The following PLB1 variants were observed in gnomAD, a reference collection of about 807,000 sequenced individuals.
PLB1 encodes the protein phospholipase B1, membrane-associated.
PLB1 carries 242 observed loss-of-function variants against 227.4 expected under a neutral mutation model. The ratio of observed to expected loss-of-function variants is 1.06; its 90% confidence interval spans 0.96 to 1.18. PLB1 has a LOEUF of 1.18. PLB1 is among the 50% of genes most tolerant of loss of function. PLB1 has a pLI of 0.00. For synonymous variants in PLB1, 757 were observed against 682.2 expected (o/e 1.11, Z -1.71); for missense variants, 1,858 against 1,816.3 (o/e 1.02, Z -0.42).
intron 49 of PLB1, among the ~76,000 whole-genome samples, chr2:28,624,792 G>T (rs879459823): frequency 0.02 from 1 of 50 alleles, no homozygotes; most frequent in Non-Finnish European, 0.038. Context: ...GGAAGTATAA[G>T]GGAAAGTCCT....
At chr2:28,515,350 TC>T (rs538527928) in intron 1 of PLB1, among the ~76,000 whole-genome samples, 19 of 152,184 alleles carry the variant, frequency 1.2e-4, no homozygotes, top group African/African-American at 4.1e-4. Context: ...TGCAGCCTCA[TC>T]CCCCCTGCCC....
In PLB1 at chr2:28,532,638, C is replaced by T. The variant is rs144681301; in HGVS notation, c.555+444C>T. 3.1e-3 allele frequency among the ~76,000 whole-genome samples: 470 copies of T among 152,216 alleles called. 5 individuals carry two copies. The highest frequency in any genetic ancestry group is 0.01 in the African/African-American group (428 of 41,518). ...AGATAAGCTGAGTCAACAGTCATTC[C>T]GCAACTGAGAAAATTAGCGTCCTAG... is the stretch of plus-strand genomic sequence containing the variant. On this transcript the variant is annotated intron_variant, in intron 9 of 57. Coordinates refer to ENST00000327757, the MANE Select transcript of PLB1 (RefSeq NM_153021.5).
chr2:28,578,694 A>G (rs1573114740), intron 22 of PLB1, among the ~76,000 whole-genome samples: 1 of 152,196 alleles, frequency 6.6e-6, no homozygotes, highest in Admixed American at 6.5e-5. Context: ...CTCAAATGAA[A>G]GCACGGTCTC....
chr2:28,566,733 T>C (rs1676980968), intron 19 of PLB1, 63 bp from the exon 20 acceptor site: 1 of 1,584,164 alleles, frequency 6.3e-7, no homozygotes. Context: ...GGCTAGTGTC[T>C]GAAGGGTCTC....
At chr2:28,568,693 A>G (rs1420476650) in intron 20 of PLB1, among the ~76,000 whole-genome samples, 4 of 152,210 alleles carry the variant, frequency 2.6e-5, no homozygotes, top group Non-Finnish European at 5.9e-5. Context: ...AGACAGACAC[A>G]TGACTAATAT....
At chr2:28,518,201 A>G (rs910223164) in intron 2 of PLB1, among the ~76,000 whole-genome samples, 1 of 152,054 alleles carries the variant, frequency 6.6e-6, no homozygotes, top group African/African-American at 2.4e-5. Flanking sequence ...GAACTTTCTC[A>G]TTCTTCTTCA....
chr2:28,575,542 CA>C (rs1295375716), intron 21 of PLB1, among the ~76,000 whole-genome samples: 1 of 152,054 alleles, frequency 6.6e-6, no homozygotes, highest in East Asian at 1.9e-4. Flanking sequence ...AAAGAGTATC[CA>C]AAGTAATGGC....
At chr2:28,496,244 T>C in intron 1 of PLB1, 75 bp downstream of exon 1, 2 of 1,395,978 alleles carry the variant, frequency 1.4e-6, no homozygotes, top group Non-Finnish European at 2.0e-6. Flanking sequence ...AGGCAATGGG[T>C]GTGTGAGAGG....
At chr2:28,639,709 C>T (rs914872656) in intron 56 of PLB1, among the ~76,000 whole-genome samples, 7 of 152,208 alleles carry the variant, frequency 4.6e-5, no homozygotes, top group Non-Finnish European at 8.8e-5. Context: ...GAATCAGCCG[C>T]GCTGACCTTT....
At chr2:28,535,025 C>G (rs1419268516) in intron 9 of PLB1, among the ~76,000 whole-genome samples, 1 of 152,136 alleles carries the variant, frequency 6.6e-6, no homozygotes, top group Non-Finnish European at 1.5e-5. Flanking sequence ...CAGTGAGCAC[C>G]TATTCTCTAC....
At chr2:28,524,280 A>G (rs1293973180) in intron 4 of PLB1, among the ~76,000 whole-genome samples, 1 of 152,140 alleles carries the variant, frequency 6.6e-6, no homozygotes, top group Non-Finnish European at 1.5e-5. Context: ...AAATAATACA[A>G]CCAAGGAGAG....
intron 32 of PLB1, 48 bp downstream of exon 32, chr2:28,592,767 C>G (rs1428759327): frequency 2.6e-6 from 4 of 1,559,990 alleles, no homozygotes; most frequent in Non-Finnish European, 3.5e-6. Flanking sequence ...TAGGCCAGCT[C>G]CAGATCCCAG....
rs557325263 is a variant in PLB1, at chr2:28,529,718, C to T, written c.417-10C>T. 4 of 1,613,868 alleles carry T rather than the reference C, an allele frequency of 2.5e-6. No homozygotes were observed. Among genetic ancestry groups the T allele is most frequent in the Admixed American group, 3.3e-5 (2 of 60,022 alleles). ...AGCCAATTTTTCTCTGTTTCCCTCC[C>T]TCTGCACAGAGACTTGTGGATTCAG... On this transcript the variant is annotated splice_polypyrimidine_tract_variant and intron_variant, in intron 7 of 57. Coordinates refer to ENST00000327757, the MANE Select transcript of PLB1 (RefSeq NM_153021.5).
chr2:28,507,038 A>G (rs1301223811), intron 1 of PLB1, among the ~76,000 whole-genome samples: 2 of 152,120 alleles, frequency 1.3e-5, no homozygotes, highest in Admixed American at 1.3e-4. Context: ...ACCTGCCACC[A>G]TCCAGCTTTG....
At chr2:28,618,685 A>G (rs1436257933) in intron 46 of PLB1, among the ~76,000 whole-genome samples, 2 of 152,156 alleles carry the variant, frequency 1.3e-5, no homozygotes, top group Non-Finnish European at 2.9e-5. Context: ...TTGGTGTGTG[A>G]TGGCACTCAT....
rs1673733732 is a variant in PLB1 at position 28,548,889 on chromosome 2, A to G, written c.966A>G (p.Pro322=). Residue 322 remains proline, a synonymous_variant, in exon 15 of 58, where the codon CCA becomes CCG. Transcript: ENST00000327757. Reference sequence around the variant, plus strand: ...AGCCAGCAGGAGAGAAAGATGAGCCATTGAGTGTAAAACACGGGAGGCCAA... The same window carrying G: ...AGCCAGCAGGAGAGAAAGATGAGCCGTTGAGTGTAAAACACGGGAGGCCAA... ...MMEPAGEKDE[P]LSVKHGRPMK... The G allele has an allele frequency of 1.2e-6, 2 of 1,614,158 alleles. No individual in the cohort carries two copies. The highest frequency in any genetic ancestry group is 1.1e-5 in the South Asian group (1 of 91,078).
At chr2:28,506,550 T>G (rs1449023178) in intron 1 of PLB1, among the ~76,000 whole-genome samples, 1 of 152,144 alleles carries the variant, frequency 6.6e-6, no homozygotes, top group African/African-American at 2.4e-5. Context: ...TAAAGAGACT[T>G]CTAAAATGAT....
intron 26 of PLB1, among the ~76,000 whole-genome samples, chr2:28,587,122 G>A (rs955542950): frequency 1.3e-5 from 2 of 152,208 alleles, no homozygotes; most frequent in African/African-American, 2.4e-5. Flanking sequence ...GAAGAGGGGC[G>A]GCAGCTGAGG....
intron 40 of PLB1, 151 bp from the exon 41 acceptor site, chr2:28,604,504 A>G (rs1558894680): frequency 1.7e-6 from 1 of 589,402 alleles, no homozygotes; most frequent in South Asian, 2.2e-5. Context: ...CTGGAAAGGG[A>G]CTTGCCCTCA....
Sources: gnomAD v4.1 joint callset for allele counts (sites outside exome capture counted in the v4.1 genomes callset) on GRCh38, gnomAD v4.1.1 for gene constraint, MANE v1.5 for transcripts, NCBI Gene and HGNC (gene_info 2026-07-23, HGNC 2026-07-21) for gene names.